The following NCK1 variants were observed in gnomAD, a reference collection of about 807,000 sequenced individuals.
NCK1 encodes the protein SH2/SH3 adapter protein NCK1.
NCK1 carries 19 observed loss-of-function variants against 36.6 expected under a neutral mutation model. That is an observed-to-expected ratio of 0.52 (90% CI 0.36 to 0.76). The LOEUF is 0.76. Ranked by LOEUF, NCK1 falls within the 30% of genes least tolerant of loss-of-function variation. The pLI is 0.00. For synonymous variants in NCK1, 165 were observed against 156.0 expected (o/e 1.06, Z -0.43); for missense variants, 358 against 445.6 (o/e 0.80, Z 1.77).
intron 1 of NCK1, among the ~76,000 whole-genome samples, chr3:136,891,693 C>T (rs1235668003): frequency 3.9e-5 from 6 of 152,170 alleles, no homozygotes; most frequent in Admixed American, 3.3e-4. Flanking sequence ...TTTTCACCAA[C>T]ACTTGTTATT....
At chr3:136,914,353 G>C (rs1192579876) in intron 1 of NCK1, among the ~76,000 whole-genome samples, 1 of 152,120 alleles carries the variant, frequency 6.6e-6, no homozygotes, top group Non-Finnish European at 1.5e-5. Context: ...TTTATTTTCA[G>C]GCCCTTTCCC....
chr3:136,909,186 T>A (rs1939770282), intron 1 of NCK1, among the ~76,000 whole-genome samples: 1 of 152,108 alleles, frequency 6.6e-6, no homozygotes, highest in Non-Finnish European at 1.5e-5. Context: ...CAGCACAAAA[T>A]GGACTAAGAC....
intron 1 of NCK1, among the ~76,000 whole-genome samples, chr3:136,882,103 A>G (rs2343663): frequency 0.69 from 104,216 of 152,056 alleles, 36,013 homozygotes; most frequent in East Asian, 0.87. Flanking sequence ...CCACCATACC[A>G]TTTTCCATAG....
intron 1 of NCK1, among the ~76,000 whole-genome samples, chr3:136,900,697 T>C (rs527434470): frequency 6.6e-6 from 1 of 152,286 alleles, no homozygotes; most frequent in Admixed American, 6.5e-5. Context: ...ACAGGTTTTG[T>C]ATGTTGATTT....
chr3:136,916,002 A>G (rs932129083), intron 1 of NCK1, among the ~76,000 whole-genome samples: 3 of 152,176 alleles, frequency 2.0e-5, no homozygotes, highest in African/African-American at 7.2e-5. Context: ...CTGGGATTAC[A>G]GGTGTGAGCC....
rs557944992 is a variant in NCK1 at position 136,937,088 on chromosome 3, G to A, written c.227-8495G>A. On this transcript the variant is annotated intron_variant, in intron 2 of 3. Transcript: ENST00000481752. ...TTTGCTCCTATGTTTTCTTCTAAGA[G>A]TTTTATAGTTTTAGCTCTGACATTT... Among the ~76,000 whole-genome samples, 88 of 152,266 alleles carry A rather than the reference G, an allele frequency of 5.8e-4. 1 individual carries two copies. The South Asian group carries it at 0.018, about 31-fold the overall frequency.
Position 136,946,122 on chromosome 3 carries a change from A to C in NCK1, c.766A>C (p.Thr256Pro). The C allele has an allele frequency of 6.2e-7, 1 of 1,613,884 alleles. No homozygotes were observed. The highest frequency in any genetic ancestry group is 8.5e-7 in the Non-Finnish European group (1 of 1,179,990). ...TACCGTTATGCAGAATAATCCATTA[A>C]CTTCAGGTTTGGAACCATCACCTCC... ...YVTVMQNNPLTSGLEPSPPQC... is the reference protein window; with the variant it reads ...YVTVMQNNPLPSGLEPSPPQC... The change falls in exon 3 of 4, where the codon ACT becomes CCT. Residue 256 changes from threonine (T) to proline (P), a missense_variant. Physicochemically the swap from Thr to Pro is conservative, Grantham distance 38 (BLOSUM62 -1). Transcript: ENST00000481752.
chr3:136,939,168 G>C (rs764877596), intron 2 of NCK1, among the ~76,000 whole-genome samples: 57 of 152,110 alleles, frequency 3.7e-4, no homozygotes, highest in Non-Finnish European at 7.5e-4. Flanking sequence ...TTATATGTCT[G>C]TTCAGATTTT....
At chr3:136,929,354 T>G (rs1484434246) in intron 2 of NCK1, among the ~76,000 whole-genome samples, 1 of 152,194 alleles carries the variant, frequency 6.6e-6, no homozygotes, top group African/African-American at 2.4e-5. Context: ...ATAGTACAAT[T>G]TGGAGTAAGA....
Position 136,944,111 on chromosome 3 carries a change from C to CTTTTTTTTTTTTT in NCK1, c.227-1472_227-1471insTTTTTTTTTTTTT, listed in dbSNP as rs1560055771. Among the ~76,000 whole-genome samples the CTTTTTTTTTTTTT allele has an allele frequency of 1.4e-3, 114 of 80,908 alleles. 19 individuals are homozygous for CTTTTTTTTTTTTT. The highest frequency in any genetic ancestry group is 4.3e-3 in the African/African-American group (75 of 17,454). 53.1% of individuals were successfully genotyped at this position (80,908 alleles called of 152,430 possible). On this transcript the variant is annotated intron_variant, in intron 2 of 3. Transcript: ENST00000481752. ...AAAGTCGAGGGAAAAGGAAAAACAA[C>CTTTTTTTTTTTTT]CTTTTTTTTTTTTTTTTTTTTTTTT...
intron 1 of NCK1, among the ~76,000 whole-genome samples, chr3:136,866,612 C>A (rs1044308162): frequency 7.1e-6 from 1 of 140,836 alleles, no homozygotes; most frequent in African/African-American, 2.7e-5. Flanking sequence ...TGGCCTCTTT[C>A]TTTCTTCTTT....
intron 1 of NCK1, among the ~76,000 whole-genome samples, chr3:136,912,758 C>T (rs1474606149): frequency 1.3e-5 from 2 of 151,780 alleles, no homozygotes; most frequent in East Asian, 3.9e-4. Flanking sequence ...TGGGCTCAAG[C>T]AGTCCCCCTG....
intron 1 of NCK1, among the ~76,000 whole-genome samples, chr3:136,873,784 G>A (rs1259970381): frequency 6.6e-6 from 1 of 152,098 alleles, no homozygotes; most frequent in African/African-American, 2.4e-5. Flanking sequence ...TTTTAAAAAC[G>A]GGAGTTTCCC....
chr3:136,900,108 C>G, intron 1 of NCK1: 1 of 409,730 alleles, frequency 2.4e-6, no homozygotes, highest in South Asian at 2.6e-5. Context: ...TTTACACTTC[C>G]CAAGTTCTTG....
At chr3:136,943,240 C>A (rs904760483) in intron 2 of NCK1, among the ~76,000 whole-genome samples, 9 of 152,098 alleles carry the variant, frequency 5.9e-5, no homozygotes, top group African/African-American at 2.2e-4. Flanking sequence ...GGGACAGTGC[C>A]TTGGAGTTCC....
rs573985867 is a variant in NCK1, at chr3:136,930,343, A to C, written c.226+2116A>C. The C allele has an allele frequency of 3.6e-5, 26 of 716,436 alleles. No individual in the cohort carries two copies. The African/African-American group carries it at 4.6e-4, about 13-fold the overall frequency. The allele number at this position is 716,436 out of a possible 1,614,324, so 44.4% of individuals were successfully genotyped here. A position where few individuals can be genotyped will look rare whatever the true frequency, so the allele number is the denominator to read the frequency against. ...GAATAATAAGGTCATATTTTTGGCC[A>C]TGATTATTTACTTGTTATACAGGCT... On this transcript the variant is annotated intron_variant, in intron 2 of 3. Coordinates refer to ENST00000481752, the MANE Select transcript of NCK1 (RefSeq NM_001291999.2).
chr3:136,881,282 C>G (rs1217154207), intron 1 of NCK1, among the ~76,000 whole-genome samples: 1 of 152,036 alleles, frequency 6.6e-6, no homozygotes, highest in East Asian at 1.9e-4. Flanking sequence ...TGCAGTGGTG[C>G]AATCTTGGCT....
chr3:136,909,319 T>A (rs1038209186), intron 1 of NCK1, among the ~76,000 whole-genome samples: 5 of 152,154 alleles, frequency 3.3e-5, no homozygotes, highest in African/African-American at 1.2e-4. Context: ...CGTAGAAGTT[T>A]GCTGAGAGGG....
chr3:136,947,820 T>G (rs1217514358), intron 3 of NCK1, among the ~76,000 whole-genome samples: 1 of 152,164 alleles, frequency 6.6e-6, no homozygotes, highest in African/African-American at 2.4e-5. Flanking sequence ...GAATTCAGCA[T>G]GTTATCTCTA....
Sources: allele counts gnomAD v4.1 joint callset (sites outside exome capture counted in the v4.1 genomes callset), GRCh38; gene constraint gnomAD v4.1.1; transcripts MANE v1.5; gene names NCBI Gene and HGNC (gene_info 2026-07-23, HGNC 2026-07-21).